COL4A4: variants seen among roughly 807,000 people sequenced by gnomAD.
COL4A4 encodes collagen alpha-4(IV) chain.
COL4A4 carries 105 observed loss-of-function variants against 192.9 expected under a neutral mutation model. The observed-to-expected ratio is 0.54, with a 90% CI of 0.46 to 0.64. The LOEUF is 0.64. COL4A4 is among the 30% of genes least tolerant of loss of function. The probability of loss-of-function intolerance (pLI) is 0.00; values close to 1 mark genes in which losing one functional copy is unlikely to be tolerated. For synonymous variants in COL4A4, 762 were observed against 769.9 expected, an observed-to-expected ratio of 0.99 and a Z score of 0.17; for missense variants, 1,967 against 2,169.3, an observed-to-expected ratio of 0.91 and a Z score of 1.85.
In COL4A4 at chr2:227,030,462, A is replaced by G. The variant is rs1354607540; in HGVS notation, c.3954T>C (p.Asp1318=). ...TCATACCTTTCTGGCCATCTTTTCCATCACATCCTGGAAAGCCTTTGTATC... is the reference window on the plus strand; with the variant it reads ...TCATACCTTTCTGGCCATCTTTTCCGTCACATCCTGGAAAGCCTTTGTATC... ...PPGYKGFPGC[D]GKDGQKGPVG... is the part of the protein sequence containing the mutation. Residue 1318 remains aspartate (D), a synonymous_variant, in exon 41 of 48, where the codon GAT becomes GAC. Coordinates refer to ENST00000396625, the MANE Select transcript of COL4A4 (RefSeq NM_000092.5). 6.2e-7 allele frequency: 1 copy of G among 1,614,082 alleles called. No homozygotes were observed. Among genetic ancestry groups the G allele is most frequent in the African/African-American group, 1.3e-5 (1 of 74,930 alleles).
chr2:227,081,575 G>A (rs1270736396), intron 23 of COL4A4, among the ~76,000 whole-genome samples: 1 of 152,142 alleles, frequency 6.6e-6, no homozygotes, highest in East Asian at 1.9e-4. Flanking sequence ...TTGCTCCTCA[G>A]CTTGCAGACA....
chr2:227,078,219 A>G (rs2059137438), intron 24 of COL4A4, 142 bp from the exon 25 acceptor site: 1 of 685,370 alleles, frequency 1.5e-6, no homozygotes, highest in Non-Finnish European at 2.4e-6. Context: ...GTTTAAAATA[A>G]ATAACTTAGA....
chr2:227,113,087 T>C lies in COL4A4; in HGVS notation c.559-1374A>G, dbSNP rs147153741. On this transcript the variant is annotated intron_variant, in intron 8 of 47. Coordinates refer to ENST00000396625, the MANE Select transcript of COL4A4 (RefSeq NM_000092.5). Reference sequence around the variant, plus strand: ...TTGGGGTATATATCCAGAAGTGGAATTGCTGGATCATATAGTAATTCTATG... The same window carrying C: ...TTGGGGTATATATCCAGAAGTGGAACTGCTGGATCATATAGTAATTCTATG... 6.2e-3 allele frequency among the ~76,000 whole-genome samples: 938 copies of C among 152,322 alleles called. 11 individuals carry two copies. The highest frequency in any genetic ancestry group is 0.021 in the African/African-American group (893 of 41,560).
the COL4A4 span, among the ~76,000 whole-genome samples, chr2:226,972,606 G>A: frequency 2.0e-5 from 3 of 152,180 alleles, no homozygotes; most frequent in African/African-American, 7.2e-5. Context: ...TCTGGGTCAA[G>A]GCAGGAGCTG....
rs1283723044 is a variant in COL4A4, at chr2:227,059,435, T to C, written c.2353A>G (p.Arg785Gly). The C allele has an allele frequency of 2.5e-6, 4 of 1,614,062 alleles. No homozygotes were observed. In the Admixed American group the frequency reaches 5.0e-5, roughly 20 times the overall value. ...LSGVPGIKGP[R>G]GDPGCPGAEG... The stretch of plus-strand genomic sequence containing the variant: ...GCCCCTGGACATCCCGGATCACCTC[T>C]GGGTCCTTTTATCCCTGGCACTCCT... The change falls in exon 28 of 48, where the codon AGA becomes GGA. Residue 785 changes from arginine to glycine, a missense_variant. By Grantham distance (125) the Arg-to-Gly change is moderately radical. Coordinates refer to ENST00000396625, the MANE Select transcript of COL4A4 (RefSeq NM_000092.5).
chr2:227,042,956 C>T (rs1971759967), intron 36 of COL4A4, 121 bp downstream of exon 36: 1 of 769,296 alleles, frequency 1.3e-6, no homozygotes, highest in Non-Finnish European at 2.3e-6. Flanking sequence ...TATCCAAAGT[C>T]ACAGGTCTGG....
chr2:227,125,372 C>T (rs1001522040), intron 4 of COL4A4, among the ~76,000 whole-genome samples: 6 of 151,986 alleles, frequency 3.9e-5, no homozygotes, highest in African/African-American at 7.2e-5. Context: ...TCACACCCGT[C>T]TAAATTTTGT....
At position 227,059,484 on chromosome 2, in the gene COL4A4, T is replaced by TC; in HGVS notation, c.2303dup (p.Pro769ThrfsTer19). 6.2e-7 allele frequency: 1 copy of TC among 1,613,846 alleles called. No homozygotes were observed. The highest frequency in any genetic ancestry group is 2.2e-5 in the East Asian group (1 of 44,852). ...CTGAAAGACCCCTCTTTCCCGGGGG[T>TC]CCCAGGTGACCAAATGCAGGGTCTC... is the stretch of plus-strand genomic sequence containing the variant. On this transcript the variant is annotated frameshift_variant, in exon 28 of 48. Coordinates refer to ENST00000396625, the MANE Select transcript of COL4A4 (RefSeq NM_000092.5). LOFTEE classifies it high-confidence loss of function.
rs1339003971 is a variant in COL4A4, at chr2:227,078,009, T to C, written c.1872A>G (p.Ala624=). The C allele has an allele frequency of 6.2e-7, 1 of 1,613,978 alleles. No individual in the cohort carries two copies. The highest frequency in any genetic ancestry group is 8.5e-7 in the Non-Finnish European group (1 of 1,179,990). ...CCAGTCCTGGGGGCCCCACAGGTCC[T>C]GCTTTGCCTGGGGGGCCCAGAGGTC... ...FPGPLGPPGK[A]GPVGPPGLGF... is the part of the protein sequence containing the mutation. The change falls in exon 25 of 48, where the codon GCA becomes GCG. Residue 624 remains alanine, a synonymous_variant. Transcript: ENST00000396625.
the COL4A4 span, chr2:226,995,451 C>G: frequency 6.2e-6 from 10 of 1,612,460 alleles, no homozygotes; most frequent in Non-Finnish European, 8.5e-6. Context: ...AAATAGCCCA[C>G]CACCCTACGG....
intron 41 of COL4A4, among the ~76,000 whole-genome samples, chr2:227,029,574 G>T (rs1014608063): frequency 6.6e-6 from 1 of 152,160 alleles, no homozygotes; most frequent in Non-Finnish European, 1.5e-5. Context: ...CTCAGGCAAG[G>T]TGCTCGTTAC....
intron 24 of COL4A4, among the ~76,000 whole-genome samples, chr2:227,078,695 T>C (rs541845805): frequency 1.3e-5 from 2 of 152,160 alleles, no homozygotes; most frequent in African/African-American, 4.8e-5. Context: ...TAGAAATAAG[T>C]AGATCAAGGG....
intron 37 of COL4A4, among the ~76,000 whole-genome samples, chr2:227,037,845 T>C (rs1222359447): frequency 1.3e-5 from 2 of 152,234 alleles, no homozygotes; most frequent in Non-Finnish European, 2.9e-5. Context: ...CCACTGATGA[T>C]GAGCTTTTAT....
In COL4A4 at chr2:227,089,606, TATAC is replaced by T. The variant is rs368732191; in HGVS notation, c.1459+258_1459+261del. Among the ~76,000 whole-genome samples, 37 of 137,718 alleles carry T rather than the reference TATAC, an allele frequency of 2.7e-4. 3 individuals are homozygous for T. The highest frequency in any genetic ancestry group is 7.6e-4 in the African/African-American group (27 of 35,324). The allele number at this position is 137,718 out of a possible 152,430, so 90.3% of individuals were successfully genotyped here. A position where few individuals can be genotyped will look rare whatever the true frequency, so the allele number is the denominator to read the frequency against. ...AATGTTCCATATATATATATATATA[TATAC>T]ATACATATATATAAATATATAAGAC... On this transcript the variant is annotated intron_variant, in intron 21 of 47. Transcript: ENST00000396625.
chr2:227,126,201 G>A (rs1202342802), intron 4 of COL4A4, among the ~76,000 whole-genome samples: 1 of 152,176 alleles, frequency 6.6e-6, no homozygotes, highest in Non-Finnish European at 1.5e-5. Flanking sequence ...GTATTTGGGA[G>A]GATGTGCATA....
rs368293426 is a variant in COL4A4 at position 227,099,656 on chromosome 2, G to C, written c.1063C>G (p.Pro355Ala). The C allele has an allele frequency of 8.2e-5, 133 of 1,614,026 alleles. No individual in the cohort carries two copies. Among genetic ancestry groups the C allele is most frequent in the Non-Finnish European group, 1.1e-4 (130 of 1,180,016 alleles). The change falls in exon 18 of 48, where the codon CCA becomes GCA. Residue 355 changes from proline to alanine, a missense_variant. By Grantham distance (27) the Pro-to-Ala change is conservative. Coordinates refer to ENST00000396625, the MANE Select transcript of COL4A4 (RefSeq NM_000092.5). ...DPGNRGHPGP[P>A]GVLVTPPLPL... ...AGAGGTGGAGTCACCAAAACACCTG[G>C]TGGTCCTGGGTGCCCTCGATTTCCA...
chr2:227,062,098 C>T (rs1977221476), intron 26 of COL4A4, among the ~76,000 whole-genome samples: 1 of 151,962 alleles, frequency 6.6e-6, no homozygotes, highest in African/African-American at 2.4e-5. Context: ...ATTAGCCGGG[C>T]ACGGTGGCGG....
At chr2:227,066,133 A>C (rs2058324765) in intron 25 of COL4A4, among the ~76,000 whole-genome samples, 1 of 151,934 alleles carries the variant, frequency 6.6e-6, no homozygotes, top group Non-Finnish European at 1.5e-5. Context: ...CAGCGATGGA[A>C]GATGAAATGA....
Position 227,054,603 on chromosome 2 carries a change from C to A in COL4A4, c.2851G>T (p.Gly951Trp), listed in dbSNP as rs1194269620. ...GCTGTATTTTATTTACCTTTGGCCC[C>A]TCTCAGTCCCCGGTCTCCAGGAAGG... Reference protein sequence around the residue: ...SGLPGDRGLRGAKGAIGPPGD... With the variant: ...SGLPGDRGLRWAKGAIGPPGD... The change falls in exon 31 of 48, where the codon GGG (glycine) becomes TGG (tryptophan). Residue 951 changes from glycine (G) to tryptophan (W), a missense_variant. Physicochemically the swap from Gly to Trp is radical, Grantham distance 184 (BLOSUM62 -2). Coordinates refer to ENST00000396625, the MANE Select transcript of COL4A4 (RefSeq NM_000092.5). 1 of 1,614,154 alleles carries A rather than the reference C, an allele frequency of 6.2e-7. No homozygotes were observed. The highest frequency in any genetic ancestry group is 1.7e-5 in the Admixed American group (1 of 60,020).
Sources: allele counts gnomAD v4.1 joint callset (sites outside exome capture counted in the v4.1 genomes callset), GRCh38; gene constraint gnomAD v4.1.1; transcripts MANE v1.5; gene names NCBI Gene and HGNC (gene_info 2026-07-23, HGNC 2026-07-21).